AGMO: variants seen among roughly 807,000 people sequenced by gnomAD.
AGMO encodes the protein glyceryl-ether monooxygenase.
AGMO carries 75 observed loss-of-function variants against 60.2 expected under a neutral mutation model. That is an observed-to-expected ratio of 1.25 (90% CI 1.03 to 1.51). The LOEUF is 1.51. AGMO is among the 40% of genes most tolerant of loss of function. The probability of loss-of-function intolerance (pLI) is 0.00; values close to 1 mark genes in which losing one functional copy is unlikely to be tolerated. For synonymous variants in AGMO, 261 were observed against 177.1 expected (o/e 1.47, Z -3.76); for missense variants, 763 against 525.5 (o/e 1.45, Z -4.42).
intron 4 of AGMO, among the ~76,000 whole-genome samples, chr7:15,424,829 T>A (rs1005709232): frequency 2.6e-5 from 4 of 152,238 alleles, no homozygotes; most frequent in Admixed American, 6.5e-5. Flanking sequence ...CAAAGAGTTA[T>A]GAGAATTTAT....
chr7:15,169,149 C>T, the AGMO span, among the ~76,000 whole-genome samples: 1 of 152,090 alleles, frequency 6.6e-6, no homozygotes, highest in African/African-American at 2.4e-5. Context: ...GGAGGGAGAC[C>T]GAAGTCCCTG....
intron 12 of AGMO, among the ~76,000 whole-genome samples, chr7:15,233,948 G>C (rs1360533914): frequency 6.6e-6 from 1 of 152,142 alleles, no homozygotes; most frequent in Non-Finnish European, 1.5e-5. Context: ...TTGGGAGGCT[G>C]AGGCAGGAGA....
At chr7:15,344,438 T>G (rs1781962318) in intron 12 of AGMO, among the ~76,000 whole-genome samples, 1 of 152,106 alleles carries the variant, frequency 6.6e-6, no homozygotes, top group South Asian at 2.1e-4. Context: ...TGTAGCTCAC[T>G]CCTGTAATGC....
chr7:15,369,162 T>A (rs937632794), intron 10 of AGMO, among the ~76,000 whole-genome samples: 23 of 152,040 alleles, frequency 1.5e-4, no homozygotes, highest in African/African-American at 5.3e-4. Context: ...ACAGCACAAT[T>A]AATACCCTAT....
At chr7:15,225,389 G>A (rs1262206698) in intron 12 of AGMO, among the ~76,000 whole-genome samples, 2 of 151,734 alleles carry the variant, frequency 1.3e-5, no homozygotes, top group Non-Finnish European at 1.5e-5. Context: ...TAATTACTAT[G>A]TCAAAGATTA....
the AGMO span, among the ~76,000 whole-genome samples, chr7:15,191,300 T>C: frequency 5.9e-5 from 9 of 152,062 alleles, no homozygotes; most frequent in African/African-American, 1.9e-4. Flanking sequence ...TGTGGGAAAA[T>C]ATATGAACCC....
chr7:15,339,513 A>C (rs142036699), intron 12 of AGMO, among the ~76,000 whole-genome samples: 176 of 152,352 alleles, frequency 1.2e-3, no homozygotes, highest in African/African-American at 4.2e-3. Context: ...ATGTCAGAAG[A>C]GTCTGCTCCA....
chr7:15,220,693 T>A (rs1781893331), intron 12 of AGMO, among the ~76,000 whole-genome samples: 1 of 151,912 alleles, frequency 6.6e-6, no homozygotes, highest in African/African-American at 2.4e-5. Context: ...ATTAGAAAAT[T>A]AACCTTATTT....
At chr7:15,223,151 A>C (rs1280959784) in intron 12 of AGMO, among the ~76,000 whole-genome samples, 1 of 152,006 alleles carries the variant, frequency 6.6e-6, no homozygotes, top group Non-Finnish European at 1.5e-5. Context: ...AATAATTTTA[A>C]GTGAGTGCTC....
chr7:15,407,727 T>A (rs566796352), intron 5 of AGMO, among the ~76,000 whole-genome samples: 1 of 151,884 alleles, frequency 6.6e-6, no homozygotes, highest in South Asian at 2.1e-4. Flanking sequence ...TATATTTGTA[T>A]GTTTAAAATG....
At chr7:15,318,914 T>C (rs1359760387) in intron 12 of AGMO, among the ~76,000 whole-genome samples, 19 of 152,276 alleles carry the variant, frequency 1.2e-4, no homozygotes, top group Non-Finnish European at 1.2e-4. Flanking sequence ...ATTGGCTTTT[T>C]CTTGTGACGA....
rs766906405 is a variant in AGMO, at chr7:15,385,439, T to A, written c.1074+7A>T. The A allele has an allele frequency of 6.6e-7, 1 of 1,516,020 alleles. No individual in the cohort carries two copies. 93.9% of individuals were successfully genotyped at this position (1,516,020 alleles called of 1,614,324 possible). ...TTCTCACACTACTTAAAATGGATAT[T>A]ACTTACAGCTGTATCTGCAAAGGTC... On this transcript the variant is annotated splice_region_variant and intron_variant, in intron 10 of 12. Transcript: ENST00000342526.
the AGMO span, among the ~76,000 whole-genome samples, chr7:15,178,302 C>T: frequency 1.3e-5 from 2 of 152,156 alleles, no homozygotes; most frequent in African/African-American, 4.8e-5. Flanking sequence ...GATAGATTGG[C>T]TGATACAGAA....
intron 12 of AGMO, among the ~76,000 whole-genome samples, chr7:15,263,061 A>T (rs1783322939): frequency 6.6e-6 from 1 of 152,160 alleles, no homozygotes; most frequent in Non-Finnish European, 1.5e-5. Context: ...AATGCAACAA[A>T]AACAAAGATA....
At chr7:15,337,891 G>C (rs1030776715) in intron 12 of AGMO, among the ~76,000 whole-genome samples, 5 of 152,308 alleles carry the variant, frequency 3.3e-5, no homozygotes, top group African/African-American at 1.2e-4. Flanking sequence ...CTTCTCTCCA[G>C]TGGATTCTTA....
intron 12 of AGMO, among the ~76,000 whole-genome samples, chr7:15,262,006 A>T (rs1046998061): frequency 1.3e-5 from 2 of 152,098 alleles, no homozygotes; most frequent in Middle Eastern, 6.8e-3. Context: ...AAGACAGTAA[A>T]AGCCATCTAC....
At chr7:15,313,056 G>C (rs1169454969) in intron 12 of AGMO, among the ~76,000 whole-genome samples, 1 of 152,034 alleles carries the variant, frequency 6.6e-6, no homozygotes, top group African/African-American at 2.4e-5. Context: ...GAAAGATATT[G>C]GAAATACAAT....
chr7:15,242,635 A>G (rs1405067909), intron 12 of AGMO, among the ~76,000 whole-genome samples: 3 of 152,146 alleles, frequency 2.0e-5, no homozygotes, highest in African/African-American at 7.2e-5. Context: ...ACATCAGATA[A>G]AAGAGTTAAG....
At chr7:15,292,819 G>A (rs1452508502) in intron 12 of AGMO, among the ~76,000 whole-genome samples, 3 of 140,632 alleles carry the variant, frequency 2.1e-5, no homozygotes, top group East Asian at 2.1e-4. Flanking sequence ...GTGCAGTGGC[G>A]TGATCTCGGC....
Sources: allele counts gnomAD v4.1 joint callset (sites outside exome capture counted in the v4.1 genomes callset), GRCh38; gene constraint gnomAD v4.1.1; transcripts MANE v1.5; gene names NCBI Gene and HGNC (gene_info 2026-07-23, HGNC 2026-07-21).